TXNDC15: variants seen among roughly 807,000 people sequenced by gnomAD.
The protein encoded by TXNDC15 is thioredoxin domain-containing protein 15.
In TXNDC15, 24 loss-of-function variants were observed where a neutral mutation model predicts 35.0. The observed-to-expected ratio is 0.68, with a 90% CI of 0.50 to 0.96. TXNDC15 has a LOEUF of 0.96. Among genes scored for constraint, TXNDC15 ranks in the 40% least tolerant of loss-of-function variants. TXNDC15 has a pLI of 0.00. For missense variants in TXNDC15, 385 were observed against 453.3 expected, an observed-to-expected ratio of 0.85 and a Z score of 1.37; for synonymous variants, 169 against 174.0, an observed-to-expected ratio of 0.97 and a Z score of 0.23.
rs762433198 is a variant in TXNDC15, at chr5:134,874,391, C to CG, written c.-36dup. Reference sequence around the variant, plus strand: ...CCTTCCTCCGGCTGGCAGCACGACTCGCGTAGCCGTGCGCCGATTGCCTCT... The same window carrying CG: ...CCTTCCTCCGGCTGGCAGCACGACTCGGCGTAGCCGTGCGCCGATTGCCTCT... On this transcript the variant is annotated 5_prime_UTR_variant, in exon 1 of 5. Coordinates refer to ENST00000358387, the MANE Select transcript of TXNDC15 (RefSeq NM_024715.4). The CG allele has an allele frequency of 1.0e-5, 16 of 1,529,710 alleles. No homozygotes were observed. Among genetic ancestry groups the CG allele is most frequent in the Middle Eastern group, 3.7e-4 (2 of 5,436 alleles). The allele number at this position is 1,529,710 out of a possible 1,614,324, so 94.8% of individuals were successfully genotyped here.
intron 4 of TXNDC15, among the ~76,000 whole-genome samples, chr5:134,897,052 G>A (rs577173873): frequency 2.0e-5 from 3 of 151,332 alleles, no homozygotes; most frequent in African/African-American, 4.9e-5. Flanking sequence ...AGTGATTTGC[G>A]TGCCTCAGCC....
At chr5:134,898,108 G>A (rs944216123) in intron 4 of TXNDC15, among the ~76,000 whole-genome samples, 9 of 152,020 alleles carry the variant, frequency 5.9e-5, no homozygotes, top group African/African-American at 2.2e-4. Context: ...CCACAGTCTT[G>A]ACTCCTAATA....
At chr5:134,875,753 T>C (rs1263381059) in intron 1 of TXNDC15, among the ~76,000 whole-genome samples, 1 of 152,138 alleles carries the variant, frequency 6.6e-6, no homozygotes, top group Non-Finnish European at 1.5e-5. Context: ...CACTGCAACC[T>C]CTGACTCCCG....
chr5:134,891,962 A>C (rs911048125), intron 2 of TXNDC15, among the ~76,000 whole-genome samples: 2 of 152,162 alleles, frequency 1.3e-5, no homozygotes, highest in African/African-American at 4.8e-5. Context: ...TAAATAAATA[A>C]GACCGCAGCT....
In TXNDC15 at chr5:134,887,929, C is replaced by G. The variant is rs1750309659; in HGVS notation, c.338C>G (p.Thr113Ser). 1 of 1,614,090 alleles carries G rather than the reference C, an allele frequency of 6.2e-7. No individual in the cohort carries two copies. The highest frequency in any genetic ancestry group is 8.5e-7 in the Non-Finnish European group (1 of 1,180,044). Residue 113 changes from threonine (T) to serine (S), a missense_variant, in exon 2 of 5, where the codon ACC (threonine) becomes AGC (serine). By Grantham distance (58) the Thr-to-Ser change is moderately conservative. Transcript: ENST00000358387. ...DKVSSEPSGV[T>S]CGAGGAEDSR... The stretch of plus-strand genomic sequence containing the variant: ...GTGAGTTCAGAGCCTAGCGGCGTCA[C>G]CTGTGGTGCTGGAGGAGCGGAGGAC...
At position 134,896,303 on chromosome 5, in the gene TXNDC15, C is replaced by T. The variant is rs1438816089; in HGVS notation, c.765C>T (p.Thr255=). ...CTTCTTTCTCTTGTAGCCTTTCTAC[C>T]AGGTTTGGCACCGTAGCTGTTCCTA... ...LDASQHSSLS[T]RFGTVAVPNI... Residue 255 remains threonine (T), a synonymous_variant, in exon 4 of 5, where the codon ACC becomes ACT. Transcript: ENST00000358387. The T allele has an allele frequency of 3.1e-6, 5 of 1,610,560 alleles. No homozygotes were observed. The highest frequency in any genetic ancestry group is 3.4e-6 in the Non-Finnish European group (4 of 1,179,234).
At chr5:134,885,787 G>C (rs751532203) in intron 1 of TXNDC15, among the ~76,000 whole-genome samples, 1 of 152,272 alleles carries the variant, frequency 6.6e-6, no homozygotes, top group South Asian at 2.1e-4. Flanking sequence ...CTGTTTCTCG[G>C]ATGTCACTAT....
In TXNDC15 at chr5:134,887,987, T is replaced by C; in HGVS notation, c.396T>C (p.Ser132=). ...GCAACGTCCGAGAGAGCCTTTTCTC[T>C]CTGGATGGCGCTGGAGCACACTTCC... is the stretch of plus-strand genomic sequence containing the variant. The part of the protein sequence containing the change: ...SRCNVRESLF[S]LDGAGAHFPD... The change falls in exon 2 of 5, where the codon TCT becomes TCC. Residue 132 remains serine (S), a synonymous_variant. Coordinates refer to ENST00000358387, the MANE Select transcript of TXNDC15 (RefSeq NM_024715.4). 1 of 1,614,168 alleles carries C rather than the reference T, an allele frequency of 6.2e-7. No homozygotes were observed.
intron 1 of TXNDC15, among the ~76,000 whole-genome samples, chr5:134,883,190 G>A (rs1281966110): frequency 2.0e-5 from 3 of 152,006 alleles, no homozygotes; most frequent in African/African-American, 7.2e-5. Flanking sequence ...ACTTTGGGAG[G>A]CCAAGGTGGG....
chr5:134,882,657 G>A (rs913861024), intron 1 of TXNDC15, among the ~76,000 whole-genome samples: 1 of 152,218 alleles, frequency 6.6e-6, no homozygotes, highest in Non-Finnish European at 1.5e-5. Context: ...GGCCAACACA[G>A]CGAAACCCCG....
At position 134,885,922 on chromosome 5, in the gene TXNDC15, A is replaced by G. The variant is rs116192424; in HGVS notation, c.104-1773A>G. Among the ~76,000 whole-genome samples the G allele has an allele frequency of 4.8e-3, 727 of 152,346 alleles. 6 individuals carry two copies. The highest frequency in any genetic ancestry group is 0.016 in the African/African-American group (676 of 41,588). On this transcript the variant is annotated intron_variant, in intron 1 of 4. Transcript: ENST00000358387. ...CATCTTGGCCAGAAGCAGAATTCCCAGATAATGTTTTTGAATCTCTGAATG... is the reference window on the plus strand; with the variant it reads ...CATCTTGGCCAGAAGCAGAATTCCCGGATAATGTTTTTGAATCTCTGAATG...
At chr5:134,874,853 T>G (rs1561895104) in intron 1 of TXNDC15, among the ~76,000 whole-genome samples, 2 of 152,276 alleles carry the variant, frequency 1.3e-5, no homozygotes, top group Non-Finnish European at 2.9e-5. Context: ...CAATTTATTA[T>G]TAATAACATT....
chr5:134,875,130 T>G (rs773961672), intron 1 of TXNDC15: 1 of 456,156 alleles, frequency 2.2e-6, no homozygotes, highest in South Asian at 1.5e-5. Context: ...CTTGCTCAGC[T>G]CCCTGCATGA....
intron 1 of TXNDC15, chr5:134,875,312 T>C (rs1462656098): frequency 4.4e-6 from 2 of 456,310 alleles, no homozygotes; most frequent in East Asian, 1.4e-4. Flanking sequence ...GCTTGTCATT[T>C]AGACCTTAAC....
chr5:134,888,224 T>A (rs200805894), intron 2 of TXNDC15, 42 bp downstream of exon 2: 116 of 1,524,988 alleles, frequency 7.6e-5, no homozygotes, highest in Non-Finnish European at 9.8e-5. Flanking sequence ...TTTCAGTACA[T>A]TTATTTTATG....
At chr5:134,889,828 A>G (rs925301193) in intron 2 of TXNDC15, among the ~76,000 whole-genome samples, 4 of 152,252 alleles carry the variant, frequency 2.6e-5, no homozygotes, top group Non-Finnish European at 4.4e-5. Context: ...TACAGAAGTT[A>G]TACTATATTG....
chr5:134,896,089 T>G, intron 3 of TXNDC15: 2 of 461,062 alleles, frequency 4.3e-6, no homozygotes, highest in Non-Finnish European at 7.6e-6. Flanking sequence ...GCAACTCAGA[T>G]TGCAGAAAAG....
chr5:134,892,672 A>G (rs986063308), intron 2 of TXNDC15: 1 of 152,136 alleles, frequency 6.6e-6, no homozygotes, highest in African/African-American at 2.4e-5. Context: ...TTAATCAATC[A>G]TTTTTGGCTT....
intron 1 of TXNDC15, among the ~76,000 whole-genome samples, chr5:134,882,616 T>C (rs1750179808): frequency 6.6e-6 from 1 of 152,222 alleles, no homozygotes; most frequent in East Asian, 1.9e-4. Flanking sequence ...GGCTGGCGGA[T>C]CACTCGCGGT....
Sources: allele counts gnomAD v4.1 joint callset (sites outside exome capture counted in the v4.1 genomes callset), GRCh38; gene constraint gnomAD v4.1.1; transcripts MANE v1.5; gene names NCBI Gene and HGNC (gene_info 2026-07-23, HGNC 2026-07-21).